Variants in SMCHD1 observed in about 807,000 individuals in gnomAD.
SMCHD1 encodes the protein structural maintenance of chromosomes flexible hinge domain containing 1.
Under a neutral mutation model 254.7 loss-of-function variants are expected in SMCHD1, and 78 were observed. The ratio of observed to expected loss-of-function variants is 0.31; its 90% confidence interval spans 0.26 to 0.37. SMCHD1 has a LOEUF of 0.37. Among genes scored for constraint, SMCHD1 ranks in the 10% least tolerant of loss-of-function variants. The pLI, the probability that SMCHD1 is intolerant of heterozygous loss-of-function variation, is 1.00. For missense variants in SMCHD1, 1,840 were observed against 2,408.1 expected (o/e 0.76, Z 4.94); for synonymous variants, 766 against 794.9 (o/e 0.96, Z 0.61).
intron 44 of SMCHD1, among the ~76,000 whole-genome samples, chr18:2,781,151 C>A (rs2076151357): frequency 6.6e-6 from 1 of 152,188 alleles, no homozygotes; most frequent in African/African-American, 2.4e-5. Context: ...TGGGGACACC[C>A]CCTCTGTGGG....
chr18:2,764,879 A>G (rs2075841465), intron 37 of SMCHD1, among the ~76,000 whole-genome samples: 2 of 152,166 alleles, frequency 1.3e-5, no homozygotes, highest in Admixed American at 6.5e-5. Context: ...TTCTTTAAGA[A>G]ATTACTAGAA....
intron 25 of SMCHD1, among the ~76,000 whole-genome samples, chr18:2,736,455 C>T (rs777538758): frequency 8.5e-5 from 13 of 152,116 alleles, no homozygotes; most frequent in Non-Finnish European, 1.6e-4. Context: ...AAACTACCAA[C>T]AGTGTAAACA....
intron 34 of SMCHD1, among the ~76,000 whole-genome samples, chr18:2,760,225 TAAATATTTCAA>T (rs1195467553): frequency 6.6e-6 from 1 of 152,202 alleles, no homozygotes; most frequent in African/African-American, 2.4e-5. Flanking sequence ...TATGTGTAGT[TAAATATTTCAA>T]ATAGTACTTG....
intron 47 of SMCHD1, among the ~76,000 whole-genome samples, chr18:2,798,518 T>C (rs1406908220): frequency 2.0e-5 from 3 of 152,226 alleles, no homozygotes; most frequent in Non-Finnish European, 4.4e-5. Context: ...TGTATTTATA[T>C]AGAAAAGACA....
At chr18:2,795,039 G>GTTTT (rs201312816) in intron 45 of SMCHD1, among the ~76,000 whole-genome samples, 114 of 148,514 alleles carry the variant, frequency 7.7e-4, no homozygotes, top group South Asian at 1.9e-3. Context: ...AAAATTCTGG[G>GTTTT]TTTTTTTTTT....
chr18:2,656,803 G>T (rs1163375064), intron 1 of SMCHD1, among the ~76,000 whole-genome samples: 2 of 152,120 alleles, frequency 1.3e-5, no homozygotes, highest in African/African-American at 4.8e-5. Flanking sequence ...GGCGGCGGGG[G>T]GGATCCTTCC....
chr18:2,748,383 TATATAAA>T, intron 30 of SMCHD1, among the ~76,000 whole-genome samples: 1 of 79,288 alleles, frequency 1.3e-5, no homozygotes, highest in East Asian at 7.1e-4. Flanking sequence ...TGTGTGTGTG[TATATAAA>T]TTTTTTTTTT....
chr18:2,770,423 A>T (rs188174901), intron 39 of SMCHD1, among the ~76,000 whole-genome samples: 2 of 152,330 alleles, frequency 1.3e-5, no homozygotes, highest in Admixed American at 1.3e-4. Context: ...AAGATACTGG[A>T]TAATAATATC....
intron 26 of SMCHD1, 127 bp from the exon 27 acceptor site, chr18:2,739,305 T>C: frequency 1.5e-6 from 1 of 683,862 alleles, no homozygotes; most frequent in Non-Finnish European, 2.6e-6. Flanking sequence ...TAAACAGTTA[T>C]TTGAAGGAGT....
At chr18:2,735,214 G>A (rs775739239) in intron 25 of SMCHD1, among the ~76,000 whole-genome samples, 30 of 152,180 alleles carry the variant, frequency 2.0e-4, no homozygotes, top group Non-Finnish European at 3.8e-4. Context: ...TTCAGTAGAC[G>A]CAGAAAATGC....
At chr18:2,698,664 G>C (rs2074334439) in intron 10 of SMCHD1, among the ~76,000 whole-genome samples, 1 of 79,436 alleles carries the variant, frequency 1.3e-5, no homozygotes, top group Non-Finnish European at 3.1e-5. Flanking sequence ...CACCACACCT[G>C]GCCCCCACCT....
At chr18:2,703,915 T>G (rs1429589920) in intron 13 of SMCHD1, 29 bp downstream of exon 13, 1 of 1,470,050 alleles carries the variant, frequency 6.8e-7, no homozygotes, top group Non-Finnish European at 9.1e-7. Flanking sequence ...CACTTTTTTC[T>G]TATAATTTTT....
chr18:2,697,412 A>G (rs1218941562), intron 9 of SMCHD1, among the ~76,000 whole-genome samples: 1 of 152,172 alleles, frequency 6.6e-6, no homozygotes. Flanking sequence ...GAAAAGGGAG[A>G]TAATGTAGCT....
chr18:2,673,507 C>G, intron 4 of SMCHD1, 144 bp downstream of exon 4: 1 of 682,340 alleles, frequency 1.5e-6, no homozygotes, highest in Non-Finnish European at 2.3e-6. Context: ...AAAATTTTTT[C>G]ACGTTTTTTT....
In SMCHD1 at chr18:2,718,515, A is replaced by G; in HGVS notation, c.2458+81A>G. 1 of 1,261,392 alleles carries G rather than the reference A, an allele frequency of 7.9e-7. No homozygotes were observed. The highest frequency in any genetic ancestry group is 1.1e-6 in the Non-Finnish European group (1 of 917,506). 78.1% of individuals were successfully genotyped at this position (1,261,392 alleles called of 1,614,324 possible). ...AAGAGAAAAGAGAGATAAGCCATTA[A>G]AAGATGTTTGAACAATTGGGTAACC... On this transcript the variant is annotated intron_variant, in intron 19 of 47. Coordinates refer to ENST00000320876, the MANE Select transcript of SMCHD1 (RefSeq NM_015295.3). The surrounding 1 kb of genome is among the most constrained non-coding windows in gnomAD (Gnocchi z 4.6).
intron 44 of SMCHD1, among the ~76,000 whole-genome samples, chr18:2,783,495 CT>C (rs988988845): frequency 6.6e-6 from 1 of 151,914 alleles, no homozygotes; most frequent in Non-Finnish European, 1.5e-5. Flanking sequence ...TTTTCTGAAC[CT>C]TTTTTGCAAG....
intron 19 of SMCHD1, among the ~76,000 whole-genome samples, chr18:2,719,182 A>G (rs2074868568): frequency 6.7e-6 from 1 of 149,260 alleles, no homozygotes; most frequent in African/African-American, 2.5e-5. Context: ...AATCACTTTG[A>G]TTTTCTATTT....
chr18:2,701,122 C>T, intron 12 of SMCHD1: 1 of 381,314 alleles, frequency 2.6e-6, no homozygotes, highest in Non-Finnish European at 4.6e-6. Context: ...CTAGTAAAGA[C>T]TAGGTTTGGA....
chr18:2,743,901 C>T lies in SMCHD1; in HGVS notation c.3774C>T (p.Leu1258=), dbSNP rs1598395228. 6.8e-6 allele frequency: 11 copies of T among 1,612,652 alleles called. No individual in the cohort carries two copies. Among genetic ancestry groups the T allele is most frequent in the South Asian group, 1.1e-5 (1 of 90,916 alleles). Reference sequence around the variant, plus strand: ...TTTCTGGACCTCCTGCTAAACTTCTCCTTATAGACTGGCCAGAACTAAAGG... The same window carrying T: ...TTTCTGGACCTCCTGCTAAACTTCTTCTTATAGACTGGCCAGAACTAAAGG... ...QLISGPPAKL[L]LIDWPELKES... Residue 1258 remains leucine, a synonymous_variant, in exon 29 of 48, where the codon CTC becomes CTT. Transcript: ENST00000320876.
Sources: gnomAD v4.1 joint callset for allele counts (sites outside exome capture counted in the v4.1 genomes callset) on GRCh38, gnomAD v4.1.1 for gene constraint, Gnocchi (gnomAD v3.1) non-coding constraint, MANE v1.5 for transcripts, NCBI Gene and HGNC (gene_info 2026-07-23, HGNC 2026-07-21) for gene names.